The following CFAP20DC variants were observed in gnomAD, a reference collection of about 807,000 sequenced individuals.
CFAP20DC encodes protein CFAP20DC.
Under a neutral mutation model 101.7 loss-of-function variants are expected in CFAP20DC, and 84 were observed. That is an observed-to-expected ratio of 0.83 (90% CI 0.69 to 0.99). CFAP20DC has a LOEUF of 0.99. CFAP20DC is among the 50% of genes least tolerant of loss of function. CFAP20DC has a pLI of 0.00. For missense variants in CFAP20DC, 1,007 were observed against 970.3 expected (o/e 1.04, Z -0.50); for synonymous variants, 359 against 351.2 (o/e 1.02, Z -0.25).
At chr3:59,032,327 C>T (rs2094010331) in intron 4 of CFAP20DC, among the ~76,000 whole-genome samples, 2 of 151,788 alleles carry the variant, frequency 1.3e-5, no homozygotes, top group African/African-American at 2.4e-5. Context: ...CCCAGTGGCA[C>T]CTGGAATGCC....
At chr3:58,731,007 A>G (rs895788111) in intron 3 of CFAP20DC, among the ~76,000 whole-genome samples, 4 of 152,206 alleles carry the variant, frequency 2.6e-5, no homozygotes, top group Non-Finnish European at 5.9e-5. Flanking sequence ...CCCTAAGTAC[A>G]GAGCTTATTT....
chr3:59,001,015 T>G lies in CFAP20DC; in HGVS notation c.278+38542A>C, dbSNP rs2093294278. Among the ~76,000 whole-genome samples the G allele has an allele frequency of 6.6e-6, 1 of 151,974 alleles. No individual in the cohort carries two copies. ...AAATTAAATGATGAAAAATAAGAATTAACTTATTAATTCCAAGAAGCTTAA... is the reference window on the plus strand; with the variant it reads ...AAATTAAATGATGAAAAATAAGAATGAACTTATTAATTCCAAGAAGCTTAA... On this transcript the variant is annotated intron_variant, in intron 4 of 16. Coordinates refer to ENST00000482387, the MANE Select transcript of CFAP20DC (RefSeq NM_001394063.1). The surrounding 1 kb of genome is among the most constrained non-coding windows in gnomAD (Gnocchi z 4.5).
chr3:58,870,529 T>C (rs1407359861), intron 7 of CFAP20DC, among the ~76,000 whole-genome samples: 1 of 148,818 alleles, frequency 6.7e-6, no homozygotes, highest in Non-Finnish European at 1.5e-5. Flanking sequence ...TTTTAATAAG[T>C]CCCCCCAAGT....
intron 4 of CFAP20DC, chr3:59,017,625 A>G (rs1219706583): frequency 6.6e-6 from 1 of 152,168 alleles, no homozygotes; most frequent in African/African-American, 2.4e-5. Flanking sequence ...TGGATACCAG[A>G]AAAGTCTCAT....
At position 59,023,149 on chromosome 3, in the gene CFAP20DC, ACT is replaced by A. The variant is rs199842103; in HGVS notation, c.278+16406_278+16407del. On this transcript the variant is annotated intron_variant, in intron 4 of 16. Transcript: ENST00000482387. The stretch of plus-strand genomic sequence containing the variant: ...TCTTAGTCCTGTTCACCTGCTTTCT[ACT>A]CTCTTGTTTTTTTTTTTTGTTTGTT... Among the ~76,000 whole-genome samples the A allele has an allele frequency of 5.4e-3, 764 of 141,268 alleles. 6 individuals carry two copies. The highest frequency in any genetic ancestry group is 0.02 in the African/African-American group (745 of 37,382). The allele number at this position is 141,268 out of a possible 152,430, so 92.7% of individuals were successfully genotyped here.
At chr3:58,866,450 T>C in intron 11 of CFAP20DC, 116 bp downstream of exon 11, 2 of 775,320 alleles carry the variant, frequency 2.6e-6, no homozygotes, top group Non-Finnish European at 4.0e-6. Context: ...TACACAAACT[T>C]ACACATTTTA....
rs900208227 is a variant in CFAP20DC, at chr3:58,892,461, C to G, written c.551-7752G>C. Among the ~76,000 whole-genome samples the G allele has an allele frequency of 1.3e-5, 2 of 152,168 alleles. No homozygotes were observed. The highest frequency in any genetic ancestry group is 4.8e-5 in the African/African-American group (2 of 41,444). ...TTTCATGATATTGATTCTTCCTATC[C>G]ATGAGCATGGAATGTTTTTCCATTT... is the stretch of plus-strand genomic sequence containing the variant. On this transcript the variant is annotated intron_variant, in intron 6 of 16. Coordinates refer to ENST00000482387, the MANE Select transcript of CFAP20DC (RefSeq NM_001394063.1). This position sits in a 1 kb window ranked among gnomAD's most constrained non-coding sequence, Gnocchi z 4.0.
intron 5 of CFAP20DC, among the ~76,000 whole-genome samples, chr3:58,931,160 C>T (rs1408185410): frequency 6.6e-6 from 1 of 152,078 alleles, no homozygotes; most frequent in Non-Finnish European, 1.5e-5. Flanking sequence ...CACGGAGTCT[C>T]ACTGAATGCT....
At chr3:58,811,597 A>T (rs2074643186) in intron 14 of CFAP20DC, among the ~76,000 whole-genome samples, 1 of 152,186 alleles carries the variant, frequency 6.6e-6, no homozygotes, top group African/African-American at 2.4e-5. Flanking sequence ...AAAACCATAA[A>T]AACCCTAGAA....
At chr3:58,991,806 G>A (rs899026634) in intron 4 of CFAP20DC, among the ~76,000 whole-genome samples, 2 of 152,050 alleles carry the variant, frequency 1.3e-5, no homozygotes, top group South Asian at 2.1e-4. Flanking sequence ...CCTGCTGTGC[G>A]GCCCGTTCCT....
At chr3:58,806,283 T>A in intron 15 of CFAP20DC, 112 bp downstream of exon 15, 2 of 726,318 alleles carry the variant, frequency 2.8e-6, no homozygotes, top group South Asian at 3.3e-5. Context: ...TGAAAGAACA[T>A]AAGTTTGGAA....
At chr3:59,016,193 C>A (rs945650711) in intron 4 of CFAP20DC, among the ~76,000 whole-genome samples, 1 of 152,014 alleles carries the variant, frequency 6.6e-6, no homozygotes, top group South Asian at 2.1e-4. Context: ...TACTATCCAG[C>A]CATAAAAGGG....
chr3:58,807,059 A>T (rs994812317), intron 14 of CFAP20DC, among the ~76,000 whole-genome samples: 12 of 152,196 alleles, frequency 7.9e-5, no homozygotes, highest in African/African-American at 2.9e-4. Context: ...TAAACAAAGC[A>T]GCCAGGAAGC....
rs73837951 is a variant in CFAP20DC at position 58,758,407 on chromosome 3, C to T, written c.2238-4544G>A. 4.5e-3 allele frequency among the ~76,000 whole-genome samples: 685 copies of T among 152,168 alleles called. 5 individuals are homozygous for T. Among genetic ancestry groups the T allele is most frequent in the African/African-American group, 0.016 (648 of 41,534 alleles). On this transcript the variant is annotated intron_variant, in intron 15 of 16. Coordinates refer to ENST00000482387, the MANE Select transcript of CFAP20DC (RefSeq NM_001394063.1). ...TCTTAGCTTTAGTTCTGAACCATTT[C>T]GTGGGTTGGCTTCTTACCCAGACAC...
intron 15 of CFAP20DC, among the ~76,000 whole-genome samples, chr3:58,760,603 G>T (rs1173047777): frequency 1.3e-5 from 2 of 152,184 alleles, no homozygotes; most frequent in African/African-American, 4.8e-5. Context: ...GGGCATCCCT[G>T]TCTTGGGCCA....
At chr3:58,779,761 AGAG>A (rs776057966) in intron 15 of CFAP20DC, among the ~76,000 whole-genome samples, 1 of 152,202 alleles carries the variant, frequency 6.6e-6, no homozygotes, top group Non-Finnish European at 1.5e-5. Flanking sequence ...CAGAAGGTGA[AGAG>A]GAGATGAAAG....
chr3:58,922,007 G>A (rs1007884259), intron 5 of CFAP20DC, among the ~76,000 whole-genome samples: 2 of 152,030 alleles, frequency 1.3e-5, no homozygotes, highest in Admixed American at 6.6e-5. Flanking sequence ...ATTAGTATAC[G>A]TACTCTAGCT....
chr3:59,017,340 G>A (rs1559997538), intron 4 of CFAP20DC: 1 of 152,038 alleles, frequency 6.6e-6, no homozygotes, highest in Non-Finnish European at 1.5e-5. Flanking sequence ...TGAGCTTCCC[G>A]TGACATCCCA....
intron 4 of CFAP20DC, among the ~76,000 whole-genome samples, chr3:58,957,308 C>T (rs1049458617): frequency 2.0e-5 from 3 of 152,132 alleles, no homozygotes; most frequent in African/African-American, 7.2e-5. Context: ...AGTGAGATAC[C>T]TTCCCCCAGT....
Sources: gnomAD v4.1 joint callset for allele counts (sites outside exome capture counted in the v4.1 genomes callset) on GRCh38, gnomAD v4.1.1 for gene constraint, Gnocchi (gnomAD v3.1) non-coding constraint, MANE v1.5 for transcripts, NCBI Gene and HGNC (gene_info 2026-07-23, HGNC 2026-07-21) for gene names.